The following DLG1 variants were observed in gnomAD, a reference collection of about 807,000 sequenced individuals.
The protein encoded by DLG1 is discs large MAGUK scaffold protein 1, also known as disks large homolog 1.
A neutral mutation model predicts 123.4 loss-of-function variants in DLG1; 42 were observed. The ratio of observed to expected loss-of-function variants is 0.34; its 90% CI spans 0.27 to 0.44. DLG1 has a LOEUF of 0.44. DLG1 is among the 20% of genes least tolerant of loss of function. DLG1 has a pLI of 1.00. For synonymous variants in DLG1, 317 were observed against 356.2 expected (o/e 0.89, Z 1.24); for missense variants, 942 against 1,082.6 (o/e 0.87, Z 1.82).
At chr3:197,083,569 G>A (rs1265727323) in intron 16 of DLG1, among the ~76,000 whole-genome samples, 2 of 152,152 alleles carry the variant, frequency 1.3e-5, no homozygotes, top group African/African-American at 2.4e-5. Context: ...ACAGGCCTTA[G>A]AAGAGGTCCT....
chr3:197,181,538 C>G (rs562109571), intron 5 of DLG1, among the ~76,000 whole-genome samples: 2 of 152,234 alleles, frequency 1.3e-5, no homozygotes, highest in Admixed American at 1.3e-4. Flanking sequence ...AAAAAGTATT[C>G]TAGTATCAAG....
rs534805895 is a variant in DLG1, at chr3:197,104,414, G to A, written c.1546+489C>T. ...AAAATACTTTTGGCAGGGTGCAGTGGCTCACACCGGTAATCACAGCACTTT... is the reference window on the plus strand; with the variant it reads ...AAAATACTTTTGGCAGGGTGCAGTGACTCACACCGGTAATCACAGCACTTT... On this transcript the variant is annotated intron_variant, in intron 14 of 24. Transcript: ENST00000667157. Among the ~76,000 whole-genome samples, 8 of 152,296 alleles carry A rather than the reference G, an allele frequency of 5.3e-5. No individual in the cohort carries two copies. In the South Asian group the frequency reaches 1.7e-3, roughly 32 times the overall value.
At chr3:197,074,070 A>G (rs982257512) in intron 18 of DLG1, among the ~76,000 whole-genome samples, 3 of 152,144 alleles carry the variant, frequency 2.0e-5, no homozygotes, top group Non-Finnish European at 4.4e-5. Context: ...AGTATTTACT[A>G]CTACATAATC....
rs556603421 is a variant in DLG1 at position 197,114,929 on chromosome 3, A to G, written c.1443+998T>C. 3.7e-3 allele frequency among the ~76,000 whole-genome samples: 548 copies of G among 148,936 alleles called. 3 individuals carry two copies. The highest frequency in any genetic ancestry group is 0.013 in the African/African-American group (518 of 40,170). ...CGGGAGGCGGAGCTTGCAGTGAGCC[A>G]AGATCGCGCCACTGCACTCCATCCA... On this transcript the variant is annotated intron_variant, in intron 13 of 24. Transcript: ENST00000667157.
At chr3:197,085,402 A>G (rs1204083826) in intron 16 of DLG1, 178 bp downstream of exon 16, 1 of 618,312 alleles carries the variant, frequency 1.6e-6, no homozygotes, top group African/African-American at 1.8e-5. Flanking sequence ...TATGACTTCG[A>G]CTACTTTAGA....
chr3:197,253,571 C>T (rs1755450813), intron 4 of DLG1, among the ~76,000 whole-genome samples: 1 of 152,120 alleles, frequency 6.6e-6, no homozygotes, highest in African/African-American at 2.4e-5. Flanking sequence ...GAAAATTATG[C>T]TCAGTGAAAA....
intron 4 of DLG1, among the ~76,000 whole-genome samples, chr3:197,257,925 C>T (rs772238421): frequency 1.3e-5 from 2 of 152,134 alleles, no homozygotes; most frequent in African/African-American, 2.4e-5. Context: ...TTAACTCCAC[C>T]TCAACGGACA....
rs1011263294 is a variant in DLG1, at chr3:197,068,967, A to AATACAT, written c.2047+246_2047+251dup. 4.6e-5 allele frequency among the ~76,000 whole-genome samples: 7 copies of AATACAT among 152,036 alleles called. No individual in the cohort carries two copies. In the East Asian group the frequency reaches 1.4e-3, roughly 29 times the overall value. On this transcript the variant is annotated intron_variant, in intron 19 of 24. Coordinates refer to ENST00000667157, the MANE Select transcript of DLG1 (RefSeq NM_001366207.1). ...AACTAGATATTTACTTCTTACAAAA[A>AATACAT]ATACATATACATATACATATGTATC... is the stretch of plus-strand genomic sequence containing the variant.
intron 5 of DLG1, among the ~76,000 whole-genome samples, chr3:197,169,932 G>A (rs957798744): frequency 6.6e-6 from 1 of 151,992 alleles, no homozygotes; most frequent in Non-Finnish European, 1.5e-5. Flanking sequence ...CCCTCACACC[G>A]GCCCCAGTGT....
intron 6 of DLG1, among the ~76,000 whole-genome samples, chr3:197,148,452 T>C (rs1192563686): frequency 7.2e-6 from 1 of 139,064 alleles, no homozygotes; most frequent in Non-Finnish European, 1.6e-5. Context: ...TACATAGAAG[T>C]GAATTTAACA....
At chr3:197,106,395 G>A (rs939906860) in intron 13 of DLG1, among the ~76,000 whole-genome samples, 2 of 152,110 alleles carry the variant, frequency 1.3e-5, no homozygotes, top group African/African-American at 4.8e-5. Flanking sequence ...GACAGAGAGA[G>A]GGACGCTCTG....
intron 4 of DLG1, among the ~76,000 whole-genome samples, chr3:197,196,171 CAAAAAAAAAAAAAA>C (rs71162001): frequency 1.1e-5 from 1 of 88,714 alleles, no homozygotes. Context: ...AAATGCACAC[CAAAAAAAAAAAAAA>C]AAAAAAAAAA....
intron 5 of DLG1, among the ~76,000 whole-genome samples, chr3:197,168,529 C>T (rs867700218): frequency 1.3e-5 from 2 of 152,092 alleles, no homozygotes; most frequent in African/African-American, 4.8e-5. Context: ...GGTAAAACTC[C>T]GGGGAGCTGT....
chr3:197,227,237 C>T (rs1007405896), intron 4 of DLG1, among the ~76,000 whole-genome samples: 3 of 152,016 alleles, frequency 2.0e-5, no homozygotes, highest in Non-Finnish European at 2.9e-5. Flanking sequence ...TTCAGGTGGC[C>T]GAGGTGGGTG....
chr3:197,254,912 C>A (rs1283917493), intron 4 of DLG1, among the ~76,000 whole-genome samples: 1 of 151,746 alleles, frequency 6.6e-6, no homozygotes, highest in African/African-American at 2.4e-5. Context: ...AAAAATTAGC[C>A]GGGCGTGGTG....
At chr3:197,247,156 GAA>G (rs1250428132) in intron 4 of DLG1, among the ~76,000 whole-genome samples, 1 of 152,230 alleles carries the variant, frequency 6.6e-6, no homozygotes, top group African/African-American at 2.4e-5. Context: ...TCCCTTAAGG[GAA>G]AGAGAGTTGG....
At chr3:197,101,099 T>C (rs1484665801) in intron 14 of DLG1, among the ~76,000 whole-genome samples, 1 of 152,170 alleles carries the variant, frequency 6.6e-6, no homozygotes, top group Non-Finnish European at 1.5e-5. Context: ...CATGTTAATC[T>C]GTTTTTTTTG....
intron 23 of DLG1, among the ~76,000 whole-genome samples, chr3:197,053,163 A>G (rs1353084103): frequency 6.6e-6 from 1 of 152,182 alleles, no homozygotes; most frequent in African/African-American, 2.4e-5. Flanking sequence ...GATGATGAGT[A>G]TAGAGTTCGT....
intron 4 of DLG1, among the ~76,000 whole-genome samples, chr3:197,255,596 A>C (rs1471414233): frequency 1.3e-5 from 2 of 152,204 alleles, no homozygotes; most frequent in African/African-American, 4.8e-5. Context: ...TCTTCATAAC[A>C]ACCAAAAAGT....
Sources: allele counts gnomAD v4.1 joint callset (sites outside exome capture counted in the v4.1 genomes callset), GRCh38; gene constraint gnomAD v4.1.1; transcripts MANE v1.5; gene names NCBI Gene and HGNC (gene_info 2026-07-23, HGNC 2026-07-21).